The following TATDN2 variants were observed in gnomAD, a reference collection of about 807,000 sequenced individuals.
TATDN2 encodes 3'-5' RNA nuclease TATDN2.
TATDN2 carries 44 observed loss-of-function variants against 60.3 expected under a neutral mutation model. That is an observed-to-expected ratio of 0.73 (90% CI 0.57 to 0.94). The LOEUF (loss-of-function observed/expected upper bound fraction) is 0.94, where lower values mean the gene tolerates loss of function less well. Among genes scored for constraint, TATDN2 ranks in the 40% least tolerant of loss-of-function variants. The probability of loss-of-function intolerance (pLI) is 0.00; values close to 1 mark genes in which losing one functional copy is unlikely to be tolerated. For missense variants in TATDN2, 997 were observed against 948.0 expected, an observed-to-expected ratio of 1.05 and a Z score of -0.68; for synonymous variants, 399 against 355.8, an observed-to-expected ratio of 1.12 and a Z score of -1.37.
At chr3:10,259,451 C>CTGGCAAACA (rs778449206) in intron 2 of TATDN2, among the ~76,000 whole-genome samples, 1 of 152,238 alleles carries the variant, frequency 6.6e-6, no homozygotes, top group Non-Finnish European at 1.5e-5. Context: ...TCAAAATAGT[C>CTGGCAAACA]TGGCAAACAA....
At chr3:10,263,938 G>C (rs548279594) in intron 3 of TATDN2, among the ~76,000 whole-genome samples, 5 of 152,306 alleles carry the variant, frequency 3.3e-5, no homozygotes, top group African/African-American at 1.2e-4. Context: ...ACCTTGCCCA[G>C]AGGAGTGTTT....
At chr3:10,259,997 A>G in intron 2 of TATDN2, 140 bp from the exon 3 acceptor site, 1 of 964,020 alleles carries the variant, frequency 1.0e-6, no homozygotes, top group African/African-American at 1.7e-5. Flanking sequence ...CCACTTCACC[A>G]CCCGGAGAGA....
At chr3:10,253,937 G>T (rs1432627591) in intron 2 of TATDN2, among the ~76,000 whole-genome samples, 1 of 152,178 alleles carries the variant, frequency 6.6e-6, no homozygotes, top group Non-Finnish European at 1.5e-5. Context: ...TGCTGCCTCT[G>T]GGAGCACCTG....
chr3:10,270,709 A>T lies in TATDN2; in HGVS notation c.1527A>T (p.Leu509=). Residue 509 remains leucine (L), a synonymous_variant, in exon 4 of 8, where the codon CTA becomes CTT. Coordinates refer to ENST00000448281, the MANE Select transcript of TATDN2 (RefSeq NM_014760.4). Reference sequence around the variant, plus strand: ...ACCTGGACATGCTCTATTCCAAGCTATCTTTCCAAGGGACCTTTACAAAGT... The same window carrying T: ...ACCTGGACATGCTCTATTCCAAGCTTTCTTTCCAAGGGACCTTTACAAAGT... ...HCHLDMLYSK[L]SFQGTFTKFR... is the part of the protein sequence containing the mutation. 2 of 1,614,236 alleles carry T rather than the reference A, an allele frequency of 1.2e-6. No individual in the cohort carries two copies. Among genetic ancestry groups the T allele is most frequent in the Non-Finnish European group, 1.7e-6 (2 of 1,180,050 alleles).
rs763198373 is a variant in TATDN2 at position 10,270,418 on chromosome 3, C to G, written c.1236C>G (p.Ser412Arg). The G allele has an allele frequency of 1.9e-6, 3 of 1,614,204 alleles. No individual in the cohort carries two copies. In the South Asian group the frequency reaches 3.3e-5, roughly 18 times the overall value. Residue 412 changes from serine to arginine, a missense_variant, in exon 4 of 8, where the codon AGC becomes AGG. Ser to Arg is a moderately radical substitution (Grantham distance 110). Coordinates refer to ENST00000448281, the MANE Select transcript of TATDN2 (RefSeq NM_014760.4). ...SNDAAQVGKS[S>R]RSRMSDYSPN... ...ATGCAGCCCAGGTTGGGAAGAGCAG[C>G]CGGAGCCGCATGAGTGATTATTCCC... is the stretch of plus-strand genomic sequence containing the variant.
In TATDN2 at chr3:10,270,917, C is replaced by T; in HGVS notation, c.1735C>T (p.Leu579Phe). The change falls in exon 4 of 8, where the codon CTT (leucine) becomes TTT (phenylalanine). Residue 579 changes from leucine (L) to phenylalanine (F), a missense_variant. By Grantham distance (22) the Leu-to-Phe change is conservative. Transcript: ENST00000448281. ...CTACAGTGAGAGTCAAGAAAGAAAT[C>T]TTTTGCAAGCCTTAAGGCACCCTAA... ...RYYSESQERN[L>F]LQALRHPKAV... 6.2e-7 allele frequency: 1 copy of T among 1,614,182 alleles called. No homozygotes were observed. Among genetic ancestry groups the T allele is most frequent in the South Asian group, 1.1e-5 (1 of 91,082 alleles).
At chr3:10,255,913 G>A (rs11712579) in intron 2 of TATDN2, among the ~76,000 whole-genome samples, 13,179 of 152,138 alleles carry the variant, frequency 0.087, 738 homozygotes, top group East Asian at 0.26. Flanking sequence ...ACTGTACTCC[G>A]GCCTGGGCGA....
At position 10,278,805 on chromosome 3, in the gene TATDN2, G is replaced by T; in HGVS notation, c.2146-80G>T. ...GCAGCCCCAAAGAGGTCCTTGCTGGGGAAGGGACAGGGAGGGAGTTCTAGA... is the reference window on the plus strand; with the variant it reads ...GCAGCCCCAAAGAGGTCCTTGCTGGTGAAGGGACAGGGAGGGAGTTCTAGA... On this transcript the variant is annotated intron_variant, in intron 6 of 7. Transcript: ENST00000448281. This position sits in a 1 kb window ranked among gnomAD's most constrained non-coding sequence, Gnocchi z 4.7. The T allele has an allele frequency of 6.2e-7, 1 of 1,604,952 alleles. No homozygotes were observed. Among genetic ancestry groups the T allele is most frequent in the South Asian group, 1.1e-5 (1 of 90,234 alleles).
chr3:10,280,289 C>A lies in TATDN2; in HGVS notation c.*1107C>A, dbSNP rs1169175224. ...CCCCTTGGCTTTGCCTCTCCTGTGT[C>A]CTGTCTTTCTGCGTTTTAGAAGTGA... On this transcript the variant is annotated 3_prime_UTR_variant, in exon 8 of 8. Transcript: ENST00000448281. 6.5e-6 allele frequency: 1 copy of A among 153,872 alleles called. No individual in the cohort carries two copies. The highest frequency in any genetic ancestry group is 6.5e-5 in the Admixed American group (1 of 15,282). The allele number at this position is 153,872 out of a possible 1,614,324, so 9.5% of individuals were successfully genotyped here.
intron 3 of TATDN2, 49 bp from the exon 4 acceptor site, chr3:10,270,078 GCCAT>G: frequency 6.4e-7 from 1 of 1,556,074 alleles, no homozygotes; most frequent in Admixed American, 1.9e-5. Context: ...AGCCTGGGAG[GCCAT>G]CTTCACATCG....
At chr3:10,275,760 AAACAAAAC>A (rs1354987686) in intron 4 of TATDN2, among the ~76,000 whole-genome samples, 1 of 820 alleles carries the variant, frequency 1.2e-3, no homozygotes, top group African/African-American at 7.9e-3. Flanking sequence ...AAACAAAACA[AAACAAAAC>A]AAAAAAAAAC....
At chr3:10,254,016 G>C (rs1438558152) in intron 2 of TATDN2, among the ~76,000 whole-genome samples, 1 of 152,230 alleles carries the variant, frequency 6.6e-6, no homozygotes, top group African/African-American at 2.4e-5. Context: ...CCCTTGCGGA[G>C]CTCTCTGCAG....
chr3:10,260,313 A>AT lies in TATDN2; in HGVS notation c.592dup (p.Ser198PhefsTer31). The AT allele has an allele frequency of 6.2e-7, 1 of 1,614,174 alleles. No homozygotes were observed. Among genetic ancestry groups the AT allele is most frequent in the Non-Finnish European group, 8.5e-7 (1 of 1,180,012 alleles). ...AGGCTATCCAGGGCATCCTGGGGAA[A>AT]TCGATGCCAAAAAGGAAGGGAGAGG... On this transcript the variant is annotated frameshift_variant, in exon 3 of 8. Transcript: ENST00000448281. LOFTEE classifies it high-confidence loss of function.
chr3:10,253,484 C>G (rs1271189853), intron 2 of TATDN2, among the ~76,000 whole-genome samples: 1 of 152,240 alleles, frequency 6.6e-6, no homozygotes, highest in Non-Finnish European at 1.5e-5. Flanking sequence ...ACCTCCAGGA[C>G]AGTTGGAGAT....
chr3:10,261,365 CTTT>C (rs58599009), intron 3 of TATDN2, among the ~76,000 whole-genome samples: 22 of 134,004 alleles, frequency 1.6e-4, no homozygotes, highest in Admixed American at 3.0e-4. Flanking sequence ...CCATCTTTTT[CTTT>C]TTTTTTTTTT....
In TATDN2 at chr3:10,270,828, A is replaced by C. The variant is rs769823556; in HGVS notation, c.1646A>C (p.Glu549Ala). 3.1e-6 allele frequency: 5 copies of C among 1,614,036 alleles called. No individual in the cohort carries two copies. Among genetic ancestry groups the C allele is most frequent in the Non-Finnish European group, 4.2e-6 (5 of 1,180,030 alleles). The change falls in exon 4 of 8, where the codon GAG (glutamate) becomes GCG (alanine). Residue 549 changes from glutamate (E) to alanine (A), a missense_variant. Glu to Ala is a moderately radical substitution (Grantham distance 107, BLOSUM62 -1). Transcript: ENST00000448281. ...DPRTLTDCLW[E>A]ELLKEDLVWG... ...CGCACCCTGACAGATTGCCTATGGG[A>C]GGAGCTGTTGAAAGAGGATCTGGTC...
chr3:10,260,761 T>TAA (rs1698390342), intron 3 of TATDN2, 91 bp downstream of exon 3: 2 of 1,434,382 alleles, frequency 1.4e-6, no homozygotes, highest in East Asian at 4.6e-5. Context: ...TGTTACTAAT[T>TAA]AAAAATAGTA....
At chr3:10,275,747 A>G (rs965771373) in intron 4 of TATDN2, among the ~76,000 whole-genome samples, 2 of 41,734 alleles carry the variant, frequency 4.8e-5, no homozygotes, top group Non-Finnish European at 7.7e-5. Flanking sequence ...TTCGGTCTCA[A>G]AAAAACAAAA....
Position 10,248,851 on chromosome 3 carries a change from G to A in TATDN2, c.-223G>A. The A allele has an allele frequency of 7.8e-6, 2 of 257,566 alleles. No homozygotes were observed. Among genetic ancestry groups the A allele is most frequent in the Non-Finnish European group, 1.5e-5 (2 of 137,156 alleles). 16.0% of individuals were successfully genotyped at this position (257,566 alleles called of 1,614,324 possible). ...TGACAGTTCTAAAGGGCTTTATATT[G>A]CAAACTGATCAAAGCGCTTCGTAGC... On this transcript the variant is annotated 5_prime_UTR_variant, in exon 1 of 8. Coordinates refer to ENST00000448281, the MANE Select transcript of TATDN2 (RefSeq NM_014760.4).
Sources: allele counts gnomAD v4.1 joint callset (sites outside exome capture counted in the v4.1 genomes callset), GRCh38; gene constraint gnomAD v4.1.1; non-coding constraint Gnocchi (gnomAD v3.1); transcripts MANE v1.5; gene names NCBI Gene and HGNC (gene_info 2026-07-23, HGNC 2026-07-21).